The following CCSER1 variants were observed in gnomAD, a reference collection of about 807,000 sequenced individuals.
CCSER1 encodes coiled-coil serine rich protein 1.
A neutral mutation model predicts 82.0 loss-of-function variants in CCSER1; 41 were observed. The observed-to-expected ratio is 0.50, with a 90% CI of 0.39 to 0.65. The LOEUF is 0.65. Ranked by LOEUF, CCSER1 falls within the 30% of genes least tolerant of loss-of-function variation. The probability of loss-of-function intolerance (pLI) is 0.00; values close to 1 mark genes in which losing one functional copy is unlikely to be tolerated. For synonymous variants in CCSER1, 414 were observed against 383.9 expected (o/e 1.08, Z -0.92); for missense variants, 1,119 against 1,064.2 (o/e 1.05, Z -0.72).
intron 3 of CCSER1, among the ~76,000 whole-genome samples, chr4:90,388,005 A>G (rs1016174639): frequency 2.6e-5 from 4 of 152,150 alleles, no homozygotes; most frequent in Non-Finnish European, 5.9e-5. Flanking sequence ...GTGCTCTCAG[A>G]CTTTGAGTTT....
At chr4:90,951,270 C>T (rs1732882814) in intron 9 of CCSER1, 1 of 151,936 alleles carries the variant, frequency 6.6e-6, no homozygotes, top group African/African-American at 2.4e-5. Context: ...TCCTCTAGTA[C>T]TCTTGTCCAG....
intron 9 of CCSER1, among the ~76,000 whole-genome samples, chr4:90,932,992 GAAAGAAAGAA>G (rs1730271919): frequency 2.3e-5 from 1 of 44,306 alleles, no homozygotes; most frequent in Non-Finnish European, 4.1e-5. Context: ...GAGAAAGAAA[GAAAGAAAGAA>G]AGAAAGAAAG....
chr4:91,345,359 C>G (rs1747984999), intron 10 of CCSER1, among the ~76,000 whole-genome samples: 1 of 151,948 alleles, frequency 6.6e-6, no homozygotes. Context: ...TGCACTCCAG[C>G]CTGGGAGACA....
chr4:90,230,654 A>G (rs1187417066), intron 1 of CCSER1, among the ~76,000 whole-genome samples: 1 of 149,690 alleles, frequency 6.7e-6, no homozygotes, highest in African/African-American at 2.4e-5. Context: ...AGACACAAAA[A>G]ACCCTTCAAA....
At chr4:91,391,872 C>T (rs1432203231) in intron 10 of CCSER1, among the ~76,000 whole-genome samples, 1 of 152,034 alleles carries the variant, frequency 6.6e-6, no homozygotes, top group Admixed American at 6.6e-5. Flanking sequence ...TTTTCAACCT[C>T]TAAGATCATA....
intron 3 of CCSER1, among the ~76,000 whole-genome samples, chr4:90,350,940 T>A (rs1268981134): frequency 6.6e-6 from 1 of 152,176 alleles, no homozygotes; most frequent in East Asian, 1.9e-4. Flanking sequence ...TCTAAAAATG[T>A]ATTGCACTGC....
chr4:91,076,459 T>G (rs1049060599), intron 9 of CCSER1, among the ~76,000 whole-genome samples: 1 of 152,094 alleles, frequency 6.6e-6, no homozygotes, highest in Non-Finnish European at 1.5e-5. Context: ...ATGTAATACA[T>G]TAAACATTTT....
intron 10 of CCSER1, among the ~76,000 whole-genome samples, chr4:91,480,576 A>G (rs184333027): frequency 6.6e-6 from 1 of 152,302 alleles, no homozygotes; most frequent in Admixed American, 6.5e-5. Context: ...TGTTCTGTGT[A>G]CTGTAACAGA....
At chr4:90,191,654 A>T (rs555120577) in intron 1 of CCSER1, among the ~76,000 whole-genome samples, 86 of 152,120 alleles carry the variant, frequency 5.7e-4, no homozygotes, top group African/African-American at 2.0e-3. Context: ...CTGTGAGGAG[A>T]TAGTGAGAGG....
chr4:91,085,212 AATAG>A (rs1331513071), intron 9 of CCSER1, among the ~76,000 whole-genome samples: 1 of 152,038 alleles, frequency 6.6e-6, no homozygotes, highest in African/African-American at 2.4e-5. Flanking sequence ...TTTCATCAAA[AATAG>A]ATAAATACTT....
chr4:90,550,052 A>G (rs973755123), intron 5 of CCSER1, among the ~76,000 whole-genome samples: 4 of 152,106 alleles, frequency 2.6e-5, no homozygotes, highest in African/African-American at 9.7e-5. Flanking sequence ...CTTGCATTAG[A>G]TCCTTTGTAA....
chr4:90,718,740 A>G (rs1742135518), intron 6 of CCSER1, among the ~76,000 whole-genome samples: 1 of 152,176 alleles, frequency 6.6e-6, no homozygotes, highest in African/African-American at 2.4e-5. Flanking sequence ...TATTATAACA[A>G]TAAATAGCCT....
chr4:90,398,333 G>A (rs913250792), intron 3 of CCSER1, among the ~76,000 whole-genome samples: 8 of 152,016 alleles, frequency 5.3e-5, no homozygotes, highest in Non-Finnish European at 7.4e-5. Flanking sequence ...AATTTTGGAA[G>A]GATACAATTA....
At chr4:91,222,536 C>A (rs1737838664) in intron 10 of CCSER1, among the ~76,000 whole-genome samples, 2 of 152,140 alleles carry the variant, frequency 1.3e-5, no homozygotes, top group Admixed American at 6.6e-5. Context: ...TTAACGATCT[C>A]AAATAAGCTT....
chr4:90,271,009 A>C (rs1377121420), intron 1 of CCSER1, among the ~76,000 whole-genome samples: 1 of 152,210 alleles, frequency 6.6e-6, no homozygotes. Flanking sequence ...GAAAATGGAA[A>C]GATATTCCAT....
chr4:90,790,943 G>T (rs1412614901), intron 7 of CCSER1, among the ~76,000 whole-genome samples: 1 of 152,084 alleles, frequency 6.6e-6, no homozygotes, highest in Non-Finnish European at 1.5e-5. Context: ...CAGTATGAAT[G>T]TACTGTATTA....
intron 6 of CCSER1, among the ~76,000 whole-genome samples, chr4:90,694,397 A>G (rs1736587946): frequency 6.6e-6 from 1 of 151,984 alleles, no homozygotes. Flanking sequence ...AGAAAGCCGT[A>G]GAAGTCAAGT....
At chr4:90,566,970 CT>C (rs553651231) in intron 5 of CCSER1, among the ~76,000 whole-genome samples, 107 of 151,010 alleles carry the variant, frequency 7.1e-4, no homozygotes, top group African/African-American at 2.4e-3. Context: ...AGTCTTCTGT[CT>C]TTTCTGTTAG....
At chr4:90,232,461 C>G in intron 1 of CCSER1, among the ~76,000 whole-genome samples, 1 of 152,110 alleles carries the variant, frequency 6.6e-6, no homozygotes, top group Non-Finnish European at 1.5e-5. Context: ...ACACCTTATA[C>G]AGAAATCAAT....
Sources: allele counts gnomAD v4.1 joint callset (sites outside exome capture counted in the v4.1 genomes callset), GRCh38; gene constraint gnomAD v4.1.1; transcripts MANE v1.5; gene names NCBI Gene and HGNC (gene_info 2026-07-23, HGNC 2026-07-21).